Variants in SPATA13 observed in about 807,000 individuals in gnomAD.
The protein encoded by SPATA13 is spermatogenesis-associated protein 13.
Under a neutral mutation model 104.0 loss-of-function variants are expected in SPATA13, and 50 were observed. That is an observed-to-expected ratio of 0.48 (90% CI 0.38 to 0.61). SPATA13 has a LOEUF of 0.61. Ranked by LOEUF, SPATA13 falls within the 20% of genes least tolerant of loss-of-function variation. The pLI is 0.00. For synonymous variants in SPATA13, 606 were observed against 667.5 expected (o/e 0.91, Z 1.42); for missense variants, 1,524 against 1,690.6 (o/e 0.90, Z 1.73).
At chr13:23,984,451 G>A (rs1159080148) in intron 2 of SPATA13, among the ~76,000 whole-genome samples, 1 of 152,200 alleles carries the variant, frequency 6.6e-6, no homozygotes, top group Non-Finnish European at 1.5e-5. Context: ...TCTGTAAGTT[G>A]AATAGAAACC....
intron 4 of SPATA13, among the ~76,000 whole-genome samples, chr13:24,258,081 C>G (rs1249380867): frequency 1.3e-5 from 2 of 151,952 alleles, no homozygotes; most frequent in Non-Finnish European, 2.9e-5. Flanking sequence ...ACTAAAAATA[C>G]AAAATTAGCT....
chr13:24,146,995 G>A (rs191016884), intron 3 of SPATA13, among the ~76,000 whole-genome samples: 5 of 152,056 alleles, frequency 3.3e-5, no homozygotes, highest in South Asian at 2.1e-4. Context: ...ACATCTTGGC[G>A]AGTCTTGAAA....
At chr13:24,095,823 A>G (rs1001753339) in intron 3 of SPATA13, among the ~76,000 whole-genome samples, 1 of 152,194 alleles carries the variant, frequency 6.6e-6, no homozygotes, top group Non-Finnish European at 1.5e-5. Context: ...GTTCAGCTGT[A>G]AAAACCGTCA....
chr13:24,136,066 A>T (rs189930423), intron 3 of SPATA13, among the ~76,000 whole-genome samples: 1 of 152,246 alleles, frequency 6.6e-6, no homozygotes, highest in Non-Finnish European at 1.5e-5. Flanking sequence ...CTCAGAGAGC[A>T]TGAAGCTCAG....
chr13:24,049,482 A>G (rs1156981949), intron 3 of SPATA13, among the ~76,000 whole-genome samples: 1 of 152,224 alleles, frequency 6.6e-6, no homozygotes, highest in Non-Finnish European at 1.5e-5. Context: ...ACACAGCAAC[A>G]ACATCGCCTA....
chr13:24,242,650 A>G (rs1456239465), intron 2 of SPATA13, among the ~76,000 whole-genome samples: 1 of 152,204 alleles, frequency 6.6e-6, no homozygotes, highest in African/African-American at 2.4e-5. Flanking sequence ...TGGGAAAGCA[A>G]TTTGAAAATC....
chr13:24,211,158 G>T (rs1870990748), intron 1 of SPATA13, among the ~76,000 whole-genome samples: 1 of 152,128 alleles, frequency 6.6e-6, no homozygotes, highest in Non-Finnish European at 1.5e-5. Flanking sequence ...CAGTTTTATG[G>T]TAGTCTTTAG....
chr13:24,075,654 G>T (rs932048852), intron 3 of SPATA13, among the ~76,000 whole-genome samples: 1 of 152,194 alleles, frequency 6.6e-6, no homozygotes, highest in Admixed American at 6.5e-5. Context: ...CTTTTTAAAA[G>T]TTAAGTATTT....
chr13:24,178,175 A>C (rs1311085558), intron 1 of SPATA13, among the ~76,000 whole-genome samples: 6 of 152,200 alleles, frequency 3.9e-5, no homozygotes, highest in Non-Finnish European at 7.3e-5. Context: ...TAAACTGGGA[A>C]TATCTGCACC....
Position 24,286,615 on chromosome 13 carries a change from G to A in SPATA13, c.2482-150G>A, listed in dbSNP as rs1875966308. The A allele has an allele frequency of 8.4e-6, 7 of 830,504 alleles. No homozygotes were observed. Among genetic ancestry groups the A allele is most frequent in the East Asian group, 8.1e-5 (3 of 37,232 alleles). 51.4% of individuals were successfully genotyped at this position (830,504 alleles called of 1,614,324 possible). A position where few individuals can be genotyped will look rare whatever the true frequency, so the allele number is the denominator to read the frequency against. On this transcript the variant is annotated intron_variant, in intron 6 of 12. Coordinates refer to ENST00000382108, the MANE Select transcript of SPATA13 (RefSeq NM_001166271.3). This position sits in a 1 kb window ranked among gnomAD's most constrained non-coding sequence, Gnocchi z 4.9. ...GGTCCTCGTGCCTGCTGGCATAGCC[G>A]CAGCCCTGCTGAGGCCATGAGACTC... is the stretch of plus-strand genomic sequence containing the variant.
intron 1 of SPATA13, among the ~76,000 whole-genome samples, chr13:24,220,186 C>T (rs1871495194): frequency 6.6e-6 from 1 of 152,192 alleles, no homozygotes; most frequent in South Asian, 2.1e-4. Context: ...GTAGACAGCA[C>T]TGAAATACAG....
intron 2 of SPATA13, among the ~76,000 whole-genome samples, chr13:24,242,890 C>T (rs1872927243): frequency 6.6e-6 from 1 of 152,090 alleles, no homozygotes; most frequent in Non-Finnish European, 1.5e-5. Context: ...TAAAAACAGG[C>T]CTATGCAGGG....
At chr13:24,058,298 AT>A (rs1878643754) in intron 3 of SPATA13, among the ~76,000 whole-genome samples, 1 of 151,858 alleles carries the variant, frequency 6.6e-6, no homozygotes, top group African/African-American at 2.4e-5. Flanking sequence ...AACAATGGTA[AT>A]AGAAAACTCA....
chr13:24,055,896 A>G (rs1217019603), intron 3 of SPATA13, among the ~76,000 whole-genome samples: 1 of 152,264 alleles, frequency 6.6e-6, no homozygotes, highest in African/African-American at 2.4e-5. Context: ...ACCACGCTAC[A>G]TTAGACAAAT....
rs1242071223 is a variant in SPATA13 at position 24,297,862 on chromosome 13, C to T, written c.3583+127C>T. 5.1e-6 allele frequency: 6 copies of T among 1,180,630 alleles called. No individual in the cohort carries two copies. In the East Asian group the frequency reaches 1.3e-4, roughly 25 times the overall value. 73.1% of individuals were successfully genotyped at this position (1,180,630 alleles called of 1,614,324 possible). On this transcript the variant is annotated intron_variant, in intron 11 of 12. Transcript: ENST00000382108. ...GCTGAATCCCACCATGGGGAAAGGA[C>T]AAGGGATCTGCAAACCCTAAATACT...
rs1490390969 is a variant in SPATA13 at position 24,088,283 on chromosome 13, C to G, written c.-112+70582C>G. 6.6e-6 allele frequency among the ~76,000 whole-genome samples: 1 copy of G among 152,176 alleles called. No homozygotes were observed. The highest frequency in any genetic ancestry group is 2.4e-5 in the African/African-American group (1 of 41,444). ...CATTCTACAGATGAGCACACCGAGG[C>G]TCAGAGCGGTAAGGAATTGGCCCGC... On this transcript the variant is annotated intron_variant, in intron 3 of 14. Transcript: ENST00000424834. The surrounding 1 kb of genome is among the most constrained non-coding windows in gnomAD (Gnocchi z 4.3).
At chr13:24,221,107 G>T (rs373012939) in intron 1 of SPATA13, among the ~76,000 whole-genome samples, 8 of 152,308 alleles carry the variant, frequency 5.3e-5, no homozygotes, top group East Asian at 3.9e-4. Flanking sequence ...GATGCCTGGG[G>T]TACAGATGCC....
intron 3 of SPATA13, among the ~76,000 whole-genome samples, chr13:24,149,450 C>T (rs1882032405): frequency 6.6e-6 from 1 of 152,202 alleles, no homozygotes; most frequent in Admixed American, 6.5e-5. Flanking sequence ...GTTCCTGGAC[C>T]TTCCCTTTCT....
intron 1 of SPATA13, among the ~76,000 whole-genome samples, chr13:24,182,930 G>A (rs1050179366): frequency 1.4e-4 from 21 of 152,182 alleles, no homozygotes; most frequent in African/African-American, 5.1e-4. Context: ...AGGGCTCACA[G>A]CAGGGCCTTG....
Sources: gnomAD v4.1 joint callset for allele counts (sites outside exome capture counted in the v4.1 genomes callset) on GRCh38, gnomAD v4.1.1 for gene constraint, Gnocchi (gnomAD v3.1) non-coding constraint, MANE v1.5 for transcripts, NCBI Gene and HGNC (gene_info 2026-07-23, HGNC 2026-07-21) for gene names.